The following APP variants were observed in gnomAD, a reference collection of about 807,000 sequenced individuals.
The protein encoded by APP is amyloid-beta precursor protein.
Under a neutral mutation model 101.4 loss-of-function variants are expected in APP, and 31 were observed. The observed-to-expected ratio is 0.31, with a 90% CI of 0.23 to 0.41. The LOEUF (loss-of-function observed/expected upper bound fraction) is 0.41. Ranked by LOEUF, APP falls within the 10% of genes least tolerant of loss-of-function variation. APP has a pLI of 1.00. For synonymous variants in APP, 366 were observed against 364.4 expected, an observed-to-expected ratio of 1.00 and a Z score of -0.05; for missense variants, 839 against 1,003.7, an observed-to-expected ratio of 0.84 and a Z score of 2.22.
intron 3 of APP, among the ~76,000 whole-genome samples, chr21:26,077,648 G>T (rs963030123): frequency 6.6e-6 from 1 of 151,854 alleles, no homozygotes; most frequent in Non-Finnish European, 1.5e-5. Context: ...TCTCTCCTGC[G>T]ACCAGCCTCG....
intron 6 of APP, among the ~76,000 whole-genome samples, chr21:26,004,582 G>A (rs953375023): frequency 1.3e-5 from 2 of 152,088 alleles, no homozygotes; most frequent in Admixed American, 6.6e-5. Flanking sequence ...GTGAGGCACC[G>A]CGCCCGGCCT....
At chr21:26,026,776 A>C (rs888500901) in intron 5 of APP, among the ~76,000 whole-genome samples, 2 of 152,254 alleles carry the variant, frequency 1.3e-5, no homozygotes, top group African/African-American at 4.8e-5. Context: ...TGGTGGGTAC[A>C]TGTCATTAGA....
intron 5 of APP, among the ~76,000 whole-genome samples, chr21:26,039,695 T>C (rs916915773): frequency 6.6e-5 from 10 of 152,218 alleles, no homozygotes; most frequent in African/African-American, 2.2e-4. Flanking sequence ...CAGTTGCACC[T>C]TCAAATGTCT....
At chr21:26,045,005 T>C (rs113207239) in intron 5 of APP, among the ~76,000 whole-genome samples, 10 of 152,170 alleles carry the variant, frequency 6.6e-5, no homozygotes, top group African/African-American at 2.2e-4. Flanking sequence ...ATGCAACACA[T>C]TTTATGTCTG....
chr21:26,136,202 A>AAAGAAAGAAAAGAAAGAAAG (rs137962980), intron 1 of APP, among the ~76,000 whole-genome samples: 3 of 100,604 alleles, frequency 3.0e-5, no homozygotes, highest in Non-Finnish European at 2.0e-5. Context: ...AGAAAGAAAG[A>AAAGAAAGAAAAGAAAGAAAG]AAAGAAAAGA....
chr21:26,025,413 T>C (rs944389782), intron 5 of APP, among the ~76,000 whole-genome samples: 1 of 152,220 alleles, frequency 6.6e-6, no homozygotes, highest in African/African-American at 2.4e-5. Context: ...CAGTATTCTC[T>C]TTAAATCATG....
At chr21:26,016,526 C>T (rs1645418326) in intron 6 of APP, among the ~76,000 whole-genome samples, 1 of 152,124 alleles carries the variant, frequency 6.6e-6, no homozygotes, top group Non-Finnish European at 1.5e-5. Flanking sequence ...TATCTAGGTC[C>T]AAATTCTGAT....
chr21:26,050,451 G>C (rs575518285), intron 5 of APP, among the ~76,000 whole-genome samples: 1 of 151,766 alleles, frequency 6.6e-6, no homozygotes, highest in Non-Finnish European at 1.5e-5. Context: ...AAAAAGAGGC[G>C]AAAATAGGTT....
intron 3 of APP, among the ~76,000 whole-genome samples, chr21:26,062,626 C>A (rs966665503): frequency 6.7e-6 from 1 of 149,636 alleles, no homozygotes; most frequent in African/African-American, 2.5e-5. Context: ...TGTGTCATTG[C>A]ACTCCAGCCT....
At chr21:25,974,532 CA>C (rs898986285) in intron 11 of APP, among the ~76,000 whole-genome samples, 7 of 152,076 alleles carry the variant, frequency 4.6e-5, no homozygotes, top group African/African-American at 1.4e-4. Context: ...CAAACAAAAA[CA>C]AAAATAAAAT....
intron 13 of APP, among the ~76,000 whole-genome samples, chr21:25,916,098 G>C (rs2039336521): frequency 1.3e-5 from 2 of 152,030 alleles, no homozygotes; most frequent in African/African-American, 4.8e-5. Context: ...TCTGCCTCCT[G>C]GGTTCAAGCG....
intron 14 of APP, 78 bp from the exon 15 acceptor site, chr21:25,905,155 G>C (rs45455693): frequency 7.9e-7 from 1 of 1,258,910 alleles, no homozygotes; most frequent in Non-Finnish European, 1.2e-6. Flanking sequence ...AAACATAGTC[G>C]AGCAGGGAAA....
intron 6 of APP, 122 bp downstream of exon 6, chr21:26,021,718 T>C: frequency 7.1e-7 from 1 of 1,408,908 alleles, no homozygotes; most frequent in East Asian, 2.3e-5. Flanking sequence ...AAGAAGCCTT[T>C]TGGAAAAAAA....
chr21:25,890,931 TC>T (rs2037654835), intron 17 of APP, among the ~76,000 whole-genome samples: 1 of 152,172 alleles, frequency 6.6e-6, no homozygotes. Context: ...CACAAATTTT[TC>T]AGTTTCCCTG....
chr21:26,095,188 A>G (rs2061914616), intron 2 of APP, among the ~76,000 whole-genome samples: 1 of 152,168 alleles, frequency 6.6e-6, no homozygotes, highest in Non-Finnish European at 1.5e-5. Flanking sequence ...TATGTTGCCC[A>G]GGCTGGTCTC....
intron 1 of APP, among the ~76,000 whole-genome samples, chr21:26,119,120 G>T (rs7282911): frequency 2.0e-5 from 3 of 152,024 alleles, no homozygotes; most frequent in South Asian, 4.2e-4. Flanking sequence ...CTCAAAACCC[G>T]CCTAGAGTCT....
At chr21:25,932,124 G>A (rs1250459270) in intron 13 of APP, among the ~76,000 whole-genome samples, 3 of 152,184 alleles carry the variant, frequency 2.0e-5, no homozygotes, top group African/African-American at 7.2e-5. Context: ...GAACTAGAGA[G>A]TGAAGCATTT....
chr21:25,989,399 A>T (rs2042769256), intron 8 of APP, among the ~76,000 whole-genome samples: 1 of 152,358 alleles, frequency 6.6e-6, no homozygotes, highest in South Asian at 2.1e-4. Flanking sequence ...AGGCACTGTG[A>T]AAGATTGCCC....
intron 1 of APP, among the ~76,000 whole-genome samples, chr21:26,125,831 T>C (rs1477257447): frequency 6.6e-6 from 1 of 152,216 alleles, no homozygotes; most frequent in Non-Finnish European, 1.5e-5. Context: ...TGGGAACTTA[T>C]TTTAATTTTC....
Sources: allele counts gnomAD v4.1 joint callset (sites outside exome capture counted in the v4.1 genomes callset), GRCh38; gene constraint gnomAD v4.1.1; transcripts MANE v1.5; gene names NCBI Gene and HGNC (gene_info 2026-07-23, HGNC 2026-07-21).